CMTR1: variants seen among roughly 807,000 people sequenced by gnomAD.
CMTR1 encodes cap-specific mRNA (nucleoside-2'-O-)-methyltransferase 1.
CMTR1 carries 39 observed loss-of-function variants against 107.0 expected under a neutral mutation model. The observed-to-expected ratio is 0.36, with a 90% CI of 0.28 to 0.48. CMTR1 has a LOEUF of 0.48. Ranked by LOEUF, CMTR1 falls within the 20% of genes least tolerant of loss-of-function variation. CMTR1 has a pLI of 0.99. For missense variants in CMTR1, 672 were observed against 1,064.9 expected (o/e 0.63, Z 5.14); for synonymous variants, 366 against 379.5 (o/e 0.96, Z 0.41).
chr6:37,447,629 G>A (rs1376031308), intron 4 of CMTR1, among the ~76,000 whole-genome samples: 1 of 152,122 alleles, frequency 6.6e-6, no homozygotes, highest in African/African-American at 2.4e-5. Context: ...GGGAGGCCGA[G>A]GCGGGTGGAT....
At position 37,469,511 on chromosome 6, in the gene CMTR1, T is replaced by C. The variant is rs145431662; in HGVS notation, c.1506-1510T>C. ...TCTTGGCCATTAGTTTGTCAATATG[T>C]TGTTTTATCCTTTTTTTTTTTTTTT... On this transcript the variant is annotated intron_variant, in intron 13 of 23. Transcript: ENST00000373451. 2.9e-3 allele frequency among the ~76,000 whole-genome samples: 434 copies of C among 149,664 alleles called. 1 individual carries two copies. Among genetic ancestry groups the C allele is most frequent in the African/African-American group, 9.7e-3 (397 of 40,824 alleles).
intron 1 of CMTR1, among the ~76,000 whole-genome samples, chr6:37,434,359 G>C (rs146549880): frequency 2.3e-4 from 35 of 152,184 alleles, no homozygotes; most frequent in African/African-American, 7.7e-4. Flanking sequence ...ATACTTTCTT[G>C]CTGTACCTCG....
rs763650061 is a variant in CMTR1, at chr6:37,473,487, C to T, written c.1707C>T (p.Ile569=). 6.2e-7 allele frequency: 1 copy of T among 1,613,808 alleles called. No individual in the cohort carries two copies. The highest frequency in any genetic ancestry group is 8.5e-7 in the Non-Finnish European group (1 of 1,179,830). The change falls in exon 17 of 24, where the codon ATC becomes ATT. Residue 569 remains isoleucine (I), a synonymous_variant. Transcript: ENST00000373451. ...FELIQGTEID[I]FSYKPTLLTS... ...GGCTGCAGGGCACTGAGATTGACAT[C>T]TTCAGCTACAAGCCCACACTGCTCA...
At chr6:37,459,207 C>T (rs1412905206) in intron 9 of CMTR1, among the ~76,000 whole-genome samples, 2 of 152,274 alleles carry the variant, frequency 1.3e-5, no homozygotes, top group Non-Finnish European at 2.9e-5. Context: ...AGCTCAGCAA[C>T]CCACAGCAGT....
Position 37,461,961 on chromosome 6 carries a change from C to T in CMTR1, c.1193-9C>T, listed in dbSNP as rs777553421. On this transcript the variant is annotated splice_polypyrimidine_tract_variant and intron_variant, in intron 11 of 23. Transcript: ENST00000373451. ...ATTGGCTGCTTTTGGTGTTTTCTCT[C>T]TAATCTAGGAGGCCACTTCATCTGT... The T allele has an allele frequency of 1.1e-5, 18 of 1,613,486 alleles. No individual in the cohort carries two copies. Among genetic ancestry groups the T allele is most frequent in the Non-Finnish European group, 1.4e-5 (17 of 1,179,852 alleles).
chr6:37,480,993 T>TA lies in CMTR1; in HGVS notation c.*848_*849insA. On this transcript the variant is annotated 3_prime_UTR_variant, in exon 24 of 24. Coordinates refer to ENST00000373451, the MANE Select transcript of CMTR1 (RefSeq NM_015050.3). ...GTAACAAAGGGTACCTCCAGGGGTT[T>TA]GGGTAGCGCTGCCCTCTGGCAGTCA... The TA allele has an allele frequency of 7.7e-7, 1 of 1,298,474 alleles. No homozygotes were observed. Among genetic ancestry groups the TA allele is most frequent in the Non-Finnish European group, 1.0e-6 (1 of 986,768 alleles). 80.4% of individuals were successfully genotyped at this position (1,298,474 alleles called of 1,614,324 possible). A position where few individuals can be genotyped will look rare whatever the true frequency, so the allele number is the denominator to read the frequency against.
intron 9 of CMTR1, 23 bp from the exon 10 acceptor site, chr6:37,459,543 C>CTA: frequency 6.2e-7 from 1 of 1,600,784 alleles, no homozygotes. Context: ...GATGAACTCA[C>CTA]TATGACTCTT....
At chr6:37,445,609 C>T (rs1440647009) in intron 3 of CMTR1, among the ~76,000 whole-genome samples, 1 of 151,566 alleles carries the variant, frequency 6.6e-6, no homozygotes, top group Non-Finnish European at 1.5e-5. Flanking sequence ...CTGCCTCAGC[C>T]TCCTGAGTAG....
At chr6:37,462,355 G>T (rs1381756931) in intron 12 of CMTR1, among the ~76,000 whole-genome samples, 1 of 152,184 alleles carries the variant, frequency 6.6e-6, no homozygotes, top group Non-Finnish European at 1.5e-5. Context: ...CAAGGAGAAA[G>T]TGACCAATAG....
At chr6:37,455,992 C>T (rs2113875985) in intron 8 of CMTR1, among the ~76,000 whole-genome samples, 1 of 152,334 alleles carries the variant, frequency 6.6e-6, no homozygotes, top group East Asian at 1.9e-4. Context: ...AGCTGTCCTT[C>T]CTGTGAAAAG....
rs192033772 is a variant in CMTR1 at position 37,454,874 on chromosome 6, A to G, written c.777+1562A>G. On this transcript the variant is annotated intron_variant, in intron 8 of 23. Transcript: ENST00000373451. ...AGGACCAGAGTTACAGCCAAGCCCC[A>G]CAGGCTTGGTGTGGTTTTCAGGCCA... Among the ~76,000 whole-genome samples, 334 of 152,182 alleles carry G rather than the reference A, an allele frequency of 2.2e-3. 1 individual carries two copies. The highest frequency in any genetic ancestry group is 7.6e-3 in the African/African-American group (314 of 41,514).
intron 2 of CMTR1, among the ~76,000 whole-genome samples, chr6:37,438,832 T>A (rs941008397): frequency 6.6e-6 from 1 of 152,230 alleles, no homozygotes; most frequent in Non-Finnish European, 1.5e-5. Context: ...TATACCCTGG[T>A]GGTTTGCTGT....
At chr6:37,424,498 C>T in the CMTR1 span, among the ~76,000 whole-genome samples, 16 of 152,046 alleles carry the variant, frequency 1.1e-4, no homozygotes, top group South Asian at 1.2e-3. Flanking sequence ...CCGCCCACCT[C>T]GGCCTCCCAA....
intron 2 of CMTR1, among the ~76,000 whole-genome samples, chr6:37,436,535 A>G (rs1432240412): frequency 6.6e-6 from 1 of 152,230 alleles, no homozygotes; most frequent in East Asian, 1.9e-4. Context: ...TGGTGGGGCC[A>G]TGTTCCCTCA....
chr6:37,444,422 C>T (rs1006658933), intron 3 of CMTR1, among the ~76,000 whole-genome samples: 5 of 152,266 alleles, frequency 3.3e-5, no homozygotes, highest in Middle Eastern at 3.4e-3. Flanking sequence ...TTATTACTAA[C>T]ATGTGTGACT....
chr6:37,465,833 TTG>T (rs1253912098), intron 13 of CMTR1, among the ~76,000 whole-genome samples: 1 of 9,802 alleles, frequency 1.0e-4, no homozygotes, highest in African/African-American at 1.3e-3. Flanking sequence ...TGTTTGTTTG[TTG>T]TTGTTGTTGT....
intron 2 of CMTR1, among the ~76,000 whole-genome samples, chr6:37,440,133 C>T (rs1474583639): frequency 6.6e-6 from 1 of 152,146 alleles, no homozygotes; most frequent in African/African-American, 2.4e-5. Context: ...GTTTTGGGCT[C>T]TCTGGTAGGT....
intron 1 of CMTR1, among the ~76,000 whole-genome samples, chr6:37,434,544 A>G (rs1771477923): frequency 6.6e-6 from 1 of 151,968 alleles, no homozygotes; most frequent in South Asian, 2.1e-4. Flanking sequence ...ACTTCATTCC[A>G]TCTTATTTTT....
chr6:37,473,442 C>A, intron 16 of CMTR1, 28 bp from the exon 17 acceptor site: 2 of 1,606,130 alleles, frequency 1.2e-6, no homozygotes, highest in Non-Finnish European at 8.5e-7. Context: ...CCCAACCCGG[C>A]AGTGTTTTCT....
Sources: gnomAD v4.1 joint callset for allele counts (sites outside exome capture counted in the v4.1 genomes callset) on GRCh38, gnomAD v4.1.1 for gene constraint, MANE v1.5 for transcripts, NCBI Gene and HGNC (gene_info 2026-07-23, HGNC 2026-07-21) for gene names.